The following RBM45 variants were observed in gnomAD, a reference collection of about 807,000 sequenced individuals.
The protein encoded by RBM45 is RNA-binding protein 45.
A neutral mutation model predicts 58.5 loss-of-function variants in RBM45; 39 were observed. That is an observed-to-expected ratio of 0.67 (90% CI 0.52 to 0.87). The LOEUF (loss-of-function observed/expected upper bound fraction) is 0.87. Among genes scored for constraint, RBM45 ranks in the 40% least tolerant of loss-of-function variants. The probability of loss-of-function intolerance (pLI) is 0.00; values close to 1 mark genes in which losing one functional copy is unlikely to be tolerated. For missense variants in RBM45, 481 were observed against 581.6 expected (o/e 0.83, Z 1.78); for synonymous variants, 193 against 203.0 (o/e 0.95, Z 0.42).
At chr2:178,132,025 C>G (rs554488454), downstream of RBM45, among the ~76,000 whole-genome samples, 1 of 152,136 alleles carries the variant, frequency 6.6e-6, no homozygotes, top group Non-Finnish European at 1.5e-5. Flanking sequence ...TTAAAACTGC[C>G]AACACAGTGA....
chr2:178,138,505 C>T lies in RBM45; in HGVS notation c.*2051C>T, dbSNP rs945185678. On this transcript the variant is annotated 3_prime_UTR_variant, in exon 4 of 4. Coordinates refer to the RBM45 transcript ENST00000455903. ...CTCTTCTACACATTTTAAATGCCAT[C>T]TGGAATGGAGCAATGTCTGTAGTTT... 10 of 152,112 alleles carry T rather than the reference C, an allele frequency of 6.6e-5. No individual in the cohort carries two copies. The East Asian group carries it at 1.3e-3, about 21-fold the overall frequency. 9.4% of individuals were successfully genotyped at this position (152,112 alleles called of 1,614,324 possible).
intron 3 of RBM45, chr2:178,136,424 T>G (rs1441757753): frequency 6.6e-6 from 1 of 152,178 alleles, no homozygotes; most frequent in Non-Finnish European, 1.5e-5. Flanking sequence ...CTATTGAGAG[T>G]CTTGTCATAA....
intron 1 of RBM45, among the ~76,000 whole-genome samples, chr2:178,115,423 T>A (rs1458313293): frequency 6.6e-6 from 1 of 152,184 alleles, no homozygotes; most frequent in East Asian, 1.9e-4. Flanking sequence ...TATTTGTATT[T>A]CCCTATTTAC....
At chr2:178,132,065 T>A (rs952995440), downstream of RBM45, among the ~76,000 whole-genome samples, 6 of 152,226 alleles carry the variant, frequency 3.9e-5, no homozygotes, top group African/African-American at 7.2e-5. Context: ...TCTTTAAAAA[T>A]TTTTTTAAAT....
downstream of RBM45, among the ~76,000 whole-genome samples, chr2:178,132,727 A>G (rs915279121): frequency 6.6e-6 from 1 of 152,094 alleles, no homozygotes; most frequent in African/African-American, 2.4e-5. Flanking sequence ...AGCAGCTGGG[A>G]TTACAGGCAC....
chr2:178,118,022 G>C, intron 2 of RBM45, 33 bp from the exon 3 acceptor site: 1 of 1,500,106 alleles, frequency 6.7e-7, no homozygotes, highest in African/African-American at 1.4e-5. Context: ...TTAATTTTAA[G>C]TCCCCTAAAA....
At chr2:178,132,963 CT>C (rs2088016530), downstream of RBM45, among the ~76,000 whole-genome samples, 1 of 152,164 alleles carries the variant, frequency 6.6e-6, no homozygotes, top group African/African-American at 2.4e-5. Flanking sequence ...TATACTGGTT[CT>C]GCAGGTTTGG....
chr2:178,122,168 GATA>G (rs2087861761), intron 5 of RBM45, among the ~76,000 whole-genome samples: 1 of 152,136 alleles, frequency 6.6e-6, no homozygotes, highest in Non-Finnish European at 1.5e-5. Flanking sequence ...AAGAATTAGA[GATA>G]ATATATGTAA....
intron 3 of RBM45, among the ~76,000 whole-genome samples, chr2:178,134,830 A>C (rs2088032386): frequency 6.6e-6 from 1 of 152,066 alleles, no homozygotes; most frequent in Admixed American, 6.6e-5. Flanking sequence ...TGTCTCTACT[A>C]CAAAAAAATT....
At chr2:178,131,295 T>A (rs2088002427), downstream of RBM45, among the ~76,000 whole-genome samples, 1 of 152,220 alleles carries the variant, frequency 6.6e-6, no homozygotes, top group Admixed American at 6.5e-5. Context: ...CTCAAAAATA[T>A]TTCTGCCAGG....
At chr2:178,121,068 A>T (rs2087843676) in intron 4 of RBM45, 112 bp from the exon 5 acceptor site, 3 of 512,654 alleles carry the variant, frequency 5.9e-6, no homozygotes, top group Non-Finnish European at 1.0e-5. Context: ...GTACTACAAA[A>T]TACAGTGCCT....
At chr2:178,118,423 T>C (rs976439490) in intron 3 of RBM45, among the ~76,000 whole-genome samples, 1 of 152,160 alleles carries the variant, frequency 6.6e-6, no homozygotes, top group Non-Finnish European at 1.5e-5. Flanking sequence ...AATGCATACT[T>C]TGGGTATTAT....
chr2:178,136,261 GAT>G (rs1342472223), intron 3 of RBM45, among the ~76,000 whole-genome samples: 1 of 152,220 alleles, frequency 6.6e-6, no homozygotes, highest in Non-Finnish European at 1.5e-5. Flanking sequence ...AGTGAGCCGA[GAT>G]CACGCCACTG....
intron 9 of RBM45, among the ~76,000 whole-genome samples, chr2:178,126,665 C>G (rs933839009): frequency 1.4e-4 from 22 of 152,054 alleles, no homozygotes; most frequent in African/African-American, 5.1e-4. Flanking sequence ...CATTTTTGGA[C>G]CTTTTGAACC....
chr2:178,128,713 A>C (rs565153600), intron 9 of RBM45, among the ~76,000 whole-genome samples: 3 of 152,342 alleles, frequency 2.0e-5, no homozygotes, highest in Admixed American at 2.0e-4. Flanking sequence ...GGCTGTTTGG[A>C]TAGGATACGA....
At chr2:178,138,797 T>C (rs2088064676) in exon 4 of RBM45, 1 of 152,128 alleles carries the variant, frequency 6.6e-6, no homozygotes, top group East Asian at 1.9e-4. Context: ...TCCGAAATTT[T>C]TCAGTGGGAT....
downstream of RBM45, among the ~76,000 whole-genome samples, chr2:178,133,422 G>A (rs2088020561): frequency 6.6e-6 from 1 of 152,146 alleles, no homozygotes; most frequent in South Asian, 2.1e-4. Context: ...AAATGACAAA[G>A]GAGTATGAAG....
Position 178,112,543 on chromosome 2 carries a change from C to T in RBM45, c.-4C>T. 1 of 1,611,544 alleles carries T rather than the reference C, an allele frequency of 6.2e-7. No individual in the cohort carries two copies. The highest frequency in any genetic ancestry group is 1.1e-5 in the South Asian group (1 of 90,812). On this transcript the variant is annotated 5_prime_UTR_variant, in exon 1 of 10. Coordinates refer to ENST00000286070, the MANE Select transcript of RBM45 (RefSeq NM_152945.4). Reference sequence around the variant, plus strand: ...GTGAGGCTCCTGCATTCGGGTGGAGCACCATGGACGAAGCTGGCAGCTCTG... The same window carrying T: ...GTGAGGCTCCTGCATTCGGGTGGAGTACCATGGACGAAGCTGGCAGCTCTG...
At chr2:178,125,857 T>C (rs781756730) in intron 8 of RBM45, 127 bp from the exon 9 acceptor site, 14 of 727,046 alleles carry the variant, frequency 1.9e-5, no homozygotes, top group Admixed American at 4.1e-5. Context: ...ATGTTTAAGA[T>C]TGACATGAGT....
Sources: gnomAD v4.1 joint callset for allele counts (sites outside exome capture counted in the v4.1 genomes callset) on GRCh38, gnomAD v4.1.1 for gene constraint, MANE v1.5 for transcripts, NCBI Gene and HGNC (gene_info 2026-07-23, HGNC 2026-07-21) for gene names.